The following LIMCH1 variants were observed in gnomAD, a reference collection of about 807,000 sequenced individuals.
LIMCH1 encodes the protein LIM and calponin homology domains-containing protein 1.
A neutral mutation model predicts 176.5 loss-of-function variants in LIMCH1; 113 were observed. The observed-to-expected ratio is 0.64, with a 90% CI of 0.55 to 0.75. The LOEUF (loss-of-function observed/expected upper bound fraction) is 0.75. Among genes scored for constraint, LIMCH1 ranks in the 30% least tolerant of loss-of-function variants. LIMCH1 has a pLI of 0.00. For missense variants in LIMCH1, 1,674 were observed against 1,814.9 expected, an observed-to-expected ratio of 0.92 and a Z score of 1.41; for synonymous variants, 619 against 645.9, an observed-to-expected ratio of 0.96 and a Z score of 0.63.
chr4:41,523,095 C>T (rs928669071), intron 2 of LIMCH1, among the ~76,000 whole-genome samples: 13 of 152,014 alleles, frequency 8.6e-5, no homozygotes, highest in African/African-American at 2.7e-4. Flanking sequence ...CATTTCTCAA[C>T]ATATGAATAT....
chr4:41,550,736 CTTACTAAGA>C (rs2080282364), intron 1 of LIMCH1, among the ~76,000 whole-genome samples: 2 of 152,054 alleles, frequency 1.3e-5, no homozygotes, highest in African/African-American at 4.8e-5. Context: ...GAAATGCAAG[CTTACTAAGA>C]TTAGAGAATT....
intron 1 of LIMCH1, among the ~76,000 whole-genome samples, chr4:41,571,821 C>T (rs2083606708): frequency 3.3e-5 from 5 of 152,188 alleles, no homozygotes; most frequent in African/African-American, 1.2e-4. Flanking sequence ...AAGTAGATGG[C>T]TTTTATAGGG....
At chr4:41,674,452 T>G (rs1166190770) in intron 22 of LIMCH1, among the ~76,000 whole-genome samples, 1 of 152,194 alleles carries the variant, frequency 6.6e-6, no homozygotes, top group Non-Finnish European at 1.5e-5. Flanking sequence ...GGAGCCAACT[T>G]CCAACACCAT....
intron 7 of LIMCH1, among the ~76,000 whole-genome samples, chr4:41,624,811 T>G (rs1487681690): frequency 1.3e-5 from 2 of 152,162 alleles, no homozygotes; most frequent in Non-Finnish European, 2.9e-5. Context: ...TTGAAATATA[T>G]AAGCCTCAGA....
intron 1 of LIMCH1, among the ~76,000 whole-genome samples, chr4:41,581,950 C>T (rs1386331978): frequency 1.3e-5 from 2 of 151,994 alleles, no homozygotes; most frequent in Non-Finnish European, 2.9e-5. Context: ...GATTTCCTTC[C>T]TTTTATGGCT....
intron 4 of LIMCH1, among the ~76,000 whole-genome samples, chr4:41,610,144 T>C (rs1163244095): frequency 6.6e-6 from 1 of 152,234 alleles, no homozygotes; most frequent in East Asian, 1.9e-4. Context: ...CTGTTTTTCC[T>C]TCCCATAACT....
chr4:41,494,487 T>C, intron 1 of LIMCH1: 3 of 1,388,542 alleles, frequency 2.2e-6, no homozygotes, highest in Non-Finnish European at 3.1e-6. Context: ...TTGGACTTCT[T>C]GATTAAAAAA....
intron 1 of LIMCH1, among the ~76,000 whole-genome samples, chr4:41,591,330 C>T (rs1462393927): frequency 6.6e-6 from 1 of 152,168 alleles, no homozygotes; most frequent in Non-Finnish European, 1.5e-5. Flanking sequence ...CAGCCTCTAC[C>T]TCCTGGGCTC....
chr4:41,656,705 A>C lies in LIMCH1; in HGVS notation c.3037-4715A>C, dbSNP rs536334936. ...GGCACCGCAGTGCCAGAGCATAAAT[A>C]GACTGATTTTCCAGGCTTGTGTCCA... On this transcript the variant is annotated intron_variant, in intron 18 of 31. Transcript: ENST00000503057. Among the ~76,000 whole-genome samples the C allele has an allele frequency of 8.5e-5, 13 of 152,238 alleles. No individual in the cohort carries two copies. The East Asian group carries it at 2.5e-3, about 30-fold the overall frequency.
At chr4:41,579,049 AT>A (rs11285726) in intron 1 of LIMCH1, among the ~76,000 whole-genome samples, 33,868 of 144,508 alleles carry the variant, frequency 0.23, 4,351 homozygotes, top group African/African-American at 0.37. Context: ...AAAATGTGTG[AT>A]TTTTTTTTTT....
At chr4:41,472,015 G>A (rs2067030954) in intron 1 of LIMCH1, among the ~76,000 whole-genome samples, 1 of 152,148 alleles carries the variant, frequency 6.6e-6, no homozygotes, top group Non-Finnish European at 1.5e-5. Context: ...CTTATATGGT[G>A]TGCAATTTTA....
intron 1 of LIMCH1, among the ~76,000 whole-genome samples, chr4:41,361,937 T>C (rs191504096): frequency 6.6e-6 from 1 of 152,308 alleles, no homozygotes; most frequent in African/African-American, 2.4e-5. Context: ...GCAGCCCTCT[T>C]TGCCTGGTAG....
At chr4:41,603,968 A>C (rs1188978205) in intron 3 of LIMCH1, 63 bp downstream of exon 3, 7 of 1,398,838 alleles carry the variant, frequency 5.0e-6, no homozygotes, top group Non-Finnish European at 6.1e-6. Flanking sequence ...TAGCTAATTC[A>C]GTGTTTCTCA....
At chr4:41,437,193 A>G (rs2062170951) in intron 1 of LIMCH1, among the ~76,000 whole-genome samples, 1 of 152,230 alleles carries the variant, frequency 6.6e-6, no homozygotes, top group African/African-American at 2.4e-5. Context: ...TGCCTTTTGT[A>G]AGGAAGGGAT....
chr4:41,397,916 T>C (rs1217651263), intron 1 of LIMCH1, among the ~76,000 whole-genome samples: 1 of 152,086 alleles, frequency 6.6e-6, no homozygotes, highest in African/African-American at 2.4e-5. Flanking sequence ...TTTTATATTA[T>C]GTAAAAAAAT....
At chr4:41,547,931 G>A (rs770175327) in intron 1 of LIMCH1, among the ~76,000 whole-genome samples, 56 of 141,878 alleles carry the variant, frequency 3.9e-4, no homozygotes, top group Non-Finnish European at 7.3e-4. Flanking sequence ...CATGGTATGT[G>A]CTCAGAAAAA....
intron 1 of LIMCH1, among the ~76,000 whole-genome samples, chr4:41,596,335 G>T (rs985685015): frequency 6.6e-6 from 1 of 151,850 alleles, no homozygotes; most frequent in African/African-American, 2.4e-5. Flanking sequence ...TCTGGAAAAT[G>T]ATGTGACCCA....
chr4:41,687,900 C>A lies in LIMCH1; in HGVS notation c.4149C>A (p.Pro1383=). 23 of 1,613,444 alleles carry A rather than the reference C, an allele frequency of 1.4e-5. No homozygotes were observed. The highest frequency in any genetic ancestry group is 1.9e-5 in the Non-Finnish European group (23 of 1,179,554). Residue 1383 remains proline, a synonymous_variant, in exon 29 of 32, where the codon CCC becomes CCA. Transcript: ENST00000503057. ...TCTCTCCCTGTTCTCCCACCCCTCC[C>A]GGTCAGTCACCAAACAGGTACAAGA... The part of the protein sequence containing the change: ...GPFSPCSPTP[P]GQSPNRSISG...
chr4:41,663,133 T>TTGTGTGTGTGTG, intron 20 of LIMCH1, 149 bp downstream of exon 20: 2 of 571,528 alleles, frequency 3.5e-6, no homozygotes, highest in Non-Finnish European at 2.8e-6. Flanking sequence ...TTTTTCTTTT[T>TTGTGTGTGTGTG]CGTGTGTGTG....
Sources: allele counts gnomAD v4.1 joint callset (sites outside exome capture counted in the v4.1 genomes callset), GRCh38; gene constraint gnomAD v4.1.1; transcripts MANE v1.5; gene names NCBI Gene and HGNC (gene_info 2026-07-23, HGNC 2026-07-21).